Variants in PRDM16 observed in about 807,000 individuals in gnomAD.
The protein encoded by PRDM16 is PR/SET domain 16, also known as histone-lysine N-methyltransferase PRDM16.
Under a neutral mutation model 110.6 loss-of-function variants are expected in PRDM16, and 23 were observed. That is an observed-to-expected ratio of 0.21 (90% CI 0.15 to 0.29). The LOEUF (loss-of-function observed/expected upper bound fraction) is 0.29, where lower values mean the gene tolerates loss of function less well. Among genes scored for constraint, PRDM16 ranks in the 10% least tolerant of loss-of-function variants. PRDM16 has a pLI of 1.00. For synonymous variants in PRDM16, 799 were observed against 781.8 expected, an observed-to-expected ratio of 1.02 and a Z score of -0.37; for missense variants, 1,615 against 1,794.3, an observed-to-expected ratio of 0.90 and a Z score of 1.81.
chr1:3,327,945 G>A (rs1293158721), intron 3 of PRDM16, among the ~76,000 whole-genome samples: 1 of 152,254 alleles, frequency 6.6e-6, no homozygotes, highest in Non-Finnish European at 1.5e-5. Context: ...AGAAATACAA[G>A]TTCACACAAG....
intron 1 of PRDM16, among the ~76,000 whole-genome samples, chr1:3,092,185 G>C (rs1165027185): frequency 6.6e-6 from 1 of 152,152 alleles, no homozygotes; most frequent in African/African-American, 2.4e-5. Context: ...CTGTGCCTGG[G>C]GCCCCAGGTG....
intron 1 of PRDM16, among the ~76,000 whole-genome samples, chr1:3,118,347 AT>A (rs1301589859): frequency 1.3e-5 from 2 of 152,180 alleles, no homozygotes; most frequent in African/African-American, 4.8e-5. Flanking sequence ...CTGGATGGCA[AT>A]TCACACTCCT....
intron 3 of PRDM16, among the ~76,000 whole-genome samples, chr1:3,267,871 G>A (rs1215616937): frequency 6.6e-6 from 1 of 152,222 alleles, no homozygotes; most frequent in African/African-American, 2.4e-5. Context: ...GGTCCATGAC[G>A]TGGATCCTAA....
intron 1 of PRDM16, among the ~76,000 whole-genome samples, chr1:3,156,013 A>T (rs948587201): frequency 6.6e-6 from 1 of 152,238 alleles, no homozygotes; most frequent in African/African-American, 2.4e-5. Context: ...GTGCTCAGAG[A>T]AGGGATAAAT....
intron 1 of PRDM16, among the ~76,000 whole-genome samples, chr1:3,095,460 A>G (rs143116601): frequency 6.6e-6 from 1 of 152,002 alleles, no homozygotes; most frequent in Non-Finnish European, 1.5e-5. Flanking sequence ...AAGGCAGAAA[A>G]CCCATAGGAC....
rs897319408 is a variant in PRDM16 at position 3,406,567 on chromosome 1, CA to C, written c.1186+932del. 2.0e-3 allele frequency among the ~76,000 whole-genome samples: 284 copies of C among 142,058 alleles called. 4 individuals are homozygous for C. The highest frequency in any genetic ancestry group is 3.0e-3 in the Non-Finnish European group (199 of 65,356). 93.2% of individuals were successfully genotyped at this position (142,058 alleles called of 152,430 possible). A position where few individuals can be genotyped will look rare whatever the true frequency, so the allele number is the denominator to read the frequency against. On this transcript the variant is annotated intron_variant, in intron 8 of 16. Coordinates refer to ENST00000270722, the MANE Select transcript of PRDM16 (RefSeq NM_022114.4). ...CAATGTAGCAAGACACCATTTCTAC[CA>C]AAAAAAAAAAAATTTTTTTTTTAAT...
chr1:3,253,549 T>C (rs1639986635), intron 3 of PRDM16, among the ~76,000 whole-genome samples: 1 of 151,968 alleles, frequency 6.6e-6, no homozygotes, highest in African/African-American at 2.4e-5. Context: ...CATCATTTTT[T>C]ATGGCTGCAT....
At position 3,290,395 on chromosome 1, in the gene PRDM16, G is replaced by A. The variant is rs1640946446; in HGVS notation, c.438+46258G>A. On this transcript the variant is annotated intron_variant, in intron 3 of 16. Coordinates refer to ENST00000270722, the MANE Select transcript of PRDM16 (RefSeq NM_022114.4). This position sits in a 1 kb window ranked among gnomAD's most constrained non-coding sequence, Gnocchi z 4.8. ...CCTTATAGATGAGGAGGCACAGAGA[G>A]GGGGAAATTTGCCGGTTCCCCAAAG... Among the ~76,000 whole-genome samples, 1 of 152,212 alleles carries A rather than the reference G, an allele frequency of 6.6e-6. No individual in the cohort carries two copies. The highest frequency in any genetic ancestry group is 2.1e-4 in the South Asian group (1 of 4,834).
intron 1 of PRDM16, among the ~76,000 whole-genome samples, chr1:3,169,933 G>A (rs1025085764): frequency 1.6e-4 from 24 of 152,270 alleles, no homozygotes; most frequent in Non-Finnish European, 8.8e-5. Flanking sequence ...CGGCCCGCGC[G>A]CTCCGAGTAA....
At chr1:3,193,443 A>G (rs1437250970) in intron 2 of PRDM16, among the ~76,000 whole-genome samples, 2 of 152,188 alleles carry the variant, frequency 1.3e-5, no homozygotes, top group East Asian at 3.9e-4. Context: ...AGTGTTTGAC[A>G]TAGCTCTCCT....
chr1:3,331,483 C>T (rs956630425), intron 3 of PRDM16, among the ~76,000 whole-genome samples: 36 of 151,936 alleles, frequency 2.4e-4, no homozygotes, highest in African/African-American at 8.7e-4. Flanking sequence ...AACAGATGAG[C>T]GAATAGCCCA....
chr1:3,071,225 C>T (rs1333319506), intron 1 of PRDM16, among the ~76,000 whole-genome samples: 1 of 152,258 alleles, frequency 6.6e-6, no homozygotes, highest in Non-Finnish European at 1.5e-5. Context: ...ACCCGCGCGG[C>T]CCTGGAAACT....
At chr1:3,325,060 C>G (rs992530245) in intron 3 of PRDM16, among the ~76,000 whole-genome samples, 1 of 152,212 alleles carries the variant, frequency 6.6e-6, no homozygotes. Context: ...ACCTCTCCCC[C>G]AGCCCAGAGC....
At chr1:3,397,979 T>C (rs999470825) in intron 5 of PRDM16, among the ~76,000 whole-genome samples, 3 of 152,236 alleles carry the variant, frequency 2.0e-5, no homozygotes, top group Non-Finnish European at 4.4e-5. Context: ...TTTAACAAGC[T>C]GGAGCCTATC....
intron 3 of PRDM16, among the ~76,000 whole-genome samples, chr1:3,317,444 G>A (rs1351675108): frequency 1.3e-5 from 2 of 152,228 alleles, no homozygotes; most frequent in Non-Finnish European, 2.9e-5. Flanking sequence ...GCAGGAGTGC[G>A]GGCGTGCCGT....
In PRDM16 at chr1:3,186,562, C is replaced by T. The variant is rs984766391; in HGVS notation, c.387+88C>T. On this transcript the variant is annotated intron_variant, in intron 2 of 16. Coordinates refer to ENST00000270722, the MANE Select transcript of PRDM16 (RefSeq NM_022114.4). Reference sequence around the variant, plus strand: ...AAAGCCGGGCTGAGCAGCCACTGCCCGAGGCGGGAGGCGCGGCCAGAGAGA... The same window carrying T: ...AAAGCCGGGCTGAGCAGCCACTGCCTGAGGCGGGAGGCGCGGCCAGAGAGA... The T allele has an allele frequency of 1.9e-5, 17 of 898,170 alleles. No homozygotes were observed. The Admixed American group carries it at 2.6e-4, about 14-fold the overall frequency. 55.6% of individuals were successfully genotyped at this position (898,170 alleles called of 1,614,324 possible).
At chr1:3,261,431 G>A (rs1343337021) in intron 3 of PRDM16, among the ~76,000 whole-genome samples, 3 of 152,108 alleles carry the variant, frequency 2.0e-5, no homozygotes, top group Non-Finnish European at 2.9e-5. Flanking sequence ...GCTGCCAGAC[G>A]GGGCTTCTGA....
intron 3 of PRDM16, among the ~76,000 whole-genome samples, chr1:3,321,013 T>C (rs1641727261): frequency 6.6e-6 from 1 of 152,234 alleles, no homozygotes; most frequent in African/African-American, 2.4e-5. Context: ...GGAGCCTGAC[T>C]CGTGTCCTCT....
intron 3 of PRDM16, among the ~76,000 whole-genome samples, chr1:3,275,074 C>T (rs1391051433): frequency 1.3e-5 from 2 of 152,210 alleles, no homozygotes; most frequent in Non-Finnish European, 2.9e-5. Flanking sequence ...CTCCCAGGTG[C>T]GCCTGGCAGA....
Sources: gnomAD v4.1 joint callset for allele counts (sites outside exome capture counted in the v4.1 genomes callset) on GRCh38, gnomAD v4.1.1 for gene constraint, Gnocchi (gnomAD v3.1) non-coding constraint, MANE v1.5 for transcripts, NCBI Gene and HGNC (gene_info 2026-07-23, HGNC 2026-07-21) for gene names.